Variants in MEAK7 observed in about 807,000 individuals in gnomAD.
The protein encoded by MEAK7 is MTOR associated protein MEAK7, also known as MTOR-associated protein MEAK7.
A neutral mutation model predicts 40.5 loss-of-function variants in MEAK7; 68 were observed. That is an observed-to-expected ratio of 1.68 (90% CI 1.38 to 2.06). The LOEUF (loss-of-function observed/expected upper bound fraction) is 2.06. MEAK7 is among the 30% of genes most tolerant of loss of function. The pLI, the probability that MEAK7 is intolerant of heterozygous loss-of-function variation, is 0.00. For missense variants in MEAK7, 918 were observed against 580.5 expected, an observed-to-expected ratio of 1.58 and a Z score of -5.98; for synonymous variants, 338 against 231.9, an observed-to-expected ratio of 1.46 and a Z score of -4.16.
chr16:84,497,640 G>T (rs1002172389), intron 2 of MEAK7: 1 of 1,396,288 alleles, frequency 7.2e-7, no homozygotes, highest in South Asian at 1.2e-5. Context: ...TCTACTCCAG[G>T]TTCCTTTCTG....
At chr16:84,497,904 T>A (rs747049666) in intron 2 of MEAK7, 30 bp downstream of exon 2, 17 of 1,613,962 alleles carry the variant, frequency 1.1e-5, no homozygotes, top group Non-Finnish European at 1.4e-5. Flanking sequence ...TGCTCCCAAC[T>A]AAACATGAAC....
chr16:84,481,826 T>G (rs1036357967), intron 6 of MEAK7, among the ~76,000 whole-genome samples: 4 of 151,938 alleles, frequency 2.6e-5, no homozygotes, highest in Non-Finnish European at 5.9e-5. Context: ...CCCAGCTACT[T>G]GGGAGGCTGA....
intron 2 of MEAK7, chr16:84,497,447 A>G: frequency 7.8e-7 from 1 of 1,289,476 alleles, no homozygotes; most frequent in Non-Finnish European, 1.0e-6. Flanking sequence ...TGCACCTGAC[A>G]CGTCATGGTT....
rs781120367 is a variant in MEAK7, at chr16:84,486,737, G to A, written c.852C>T (p.Gly284=). ...LHGHSFSQLC[G]HITHRGPCVA... is the part of the protein sequence containing the mutation. The stretch of plus-strand genomic sequence containing the variant: ...CACAGGGTCCCCGGTGAGTGATGTG[G>A]CCACAGAGCTGGGAGAAGCTGTGTC... The change falls in exon 5 of 8, where the codon GGC becomes GGT. Residue 284 remains glycine (G), a synonymous_variant. Transcript: ENST00000343629. 6.2e-7 allele frequency: 1 copy of A among 1,614,016 alleles called. No individual in the cohort carries two copies. Among genetic ancestry groups the A allele is most frequent in the South Asian group, 1.1e-5 (1 of 91,076 alleles).
chr16:84,497,397 T>C, intron 2 of MEAK7: 1 of 1,269,506 alleles, frequency 7.9e-7, no homozygotes, highest in Non-Finnish European at 1.0e-6. Flanking sequence ...TATCATGAAA[T>C]TCCTAGCCAT....
intron 1 of MEAK7, among the ~76,000 whole-genome samples, chr16:84,498,369 G>A (rs1413213721): frequency 6.6e-6 from 1 of 151,976 alleles, no homozygotes; most frequent in African/African-American, 2.4e-5. Context: ...CCTGGGCTCG[G>A]GCAATCCTCC....
At position 84,486,381 on chromosome 16, in the gene MEAK7, A is replaced by G. The variant is rs771124158; in HGVS notation, c.958+250T>C. On this transcript the variant is annotated intron_variant, in intron 5 of 7. Transcript: ENST00000343629. Reference sequence around the variant, plus strand: ...GCTTGACTTCTCCCACGCCCCATAGACCCGGCACCGTGTAATAACTGGGCC... The same window carrying G: ...GCTTGACTTCTCCCACGCCCCATAGGCCCGGCACCGTGTAATAACTGGGCC... 6.6e-6 allele frequency: 8 copies of G among 1,221,224 alleles called. No individual in the cohort carries two copies. In the East Asian group the frequency reaches 2.4e-4, roughly 36 times the overall value. The allele number at this position is 1,221,224 out of a possible 1,614,324, so 75.6% of individuals were successfully genotyped here. A position where few individuals can be genotyped will look rare whatever the true frequency, so the allele number is the denominator to read the frequency against.
rs1009525848 is a variant in MEAK7, at chr16:84,497,604, C to G, written c.153+330G>C. ...TGTTCATCTCAAGTTAGAAATGTCC[C>G]CAAATGTCGTGTGAATCATTCATTA... On this transcript the variant is annotated intron_variant, in intron 2 of 7. Coordinates refer to ENST00000343629, the MANE Select transcript of MEAK7 (RefSeq NM_020947.4). 46 of 1,326,788 alleles carry G rather than the reference C, an allele frequency of 3.5e-5. 1 individual carries two copies. Among genetic ancestry groups the G allele is most frequent in the Non-Finnish European group, 3.9e-5 (40 of 1,014,524 alleles). 82.2% of individuals were successfully genotyped at this position (1,326,788 alleles called of 1,614,324 possible). A position where few individuals can be genotyped will look rare whatever the true frequency, so the allele number is the denominator to read the frequency against.
At chr16:84,480,054 G>A (rs762224924) in intron 7 of MEAK7, 28 bp from the exon 8 acceptor site, 13 of 1,534,054 alleles carry the variant, frequency 8.5e-6, no homozygotes, top group African/African-American at 2.8e-5. Flanking sequence ...GGGTGGGTGT[G>A]TTCCATGATG....
chr16:84,487,131 G>C, intron 4 of MEAK7, 72 bp from the exon 5 acceptor site: 2 of 1,470,676 alleles, frequency 1.4e-6, no homozygotes, highest in Non-Finnish European at 1.8e-6. Context: ...AACCCACACT[G>C]ATCAGTGTGG....
chr16:84,482,960 A>G (rs937442456), intron 5 of MEAK7, among the ~76,000 whole-genome samples: 1 of 152,170 alleles, frequency 6.6e-6, no homozygotes, highest in African/African-American at 2.4e-5. Flanking sequence ...GGGAGCAGAG[A>G]TCAGAACTCT....
intron 3 of MEAK7, among the ~76,000 whole-genome samples, chr16:84,492,013 CAATT>C (rs957649028): frequency 6.6e-6 from 1 of 152,020 alleles, no homozygotes; most frequent in Non-Finnish European, 1.5e-5. Flanking sequence ...ACACTGAAAA[CAATT>C]AAAGCCTCAT....
chr16:84,481,390 G>A (rs532504973), intron 6 of MEAK7, among the ~76,000 whole-genome samples: 8 of 152,320 alleles, frequency 5.3e-5, no homozygotes, highest in East Asian at 3.9e-4. Context: ...ACGCGGAGCC[G>A]CTCTCTCAGG....
chr16:84,487,062 AG>A lies in MEAK7; in HGVS notation c.530-4del. ...GGGCCCCAGAAGTCTCTTGCCATCT[AG>A]GGGAAGGGGATGGTCAGCATTAGTG... is the stretch of plus-strand genomic sequence containing the variant. On this transcript the variant is annotated splice_polypyrimidine_tract_variant and splice_region_variant and intron_variant, in intron 4 of 7. Coordinates refer to ENST00000343629, the MANE Select transcript of MEAK7 (RefSeq NM_020947.4). The A allele has an allele frequency of 6.2e-7, 1 of 1,607,212 alleles. No homozygotes were observed. The highest frequency in any genetic ancestry group is 8.5e-7 in the Non-Finnish European group (1 of 1,176,686).
intron 4 of MEAK7, chr16:84,487,815 G>C (rs1913226955): frequency 6.6e-6 from 1 of 152,242 alleles, no homozygotes; most frequent in African/African-American, 2.4e-5. Context: ...CCTTGCCAAG[G>C]TCTGGACCTC....
intron 5 of MEAK7, among the ~76,000 whole-genome samples, chr16:84,485,636 A>G (rs1204265924): frequency 2.0e-5 from 2 of 98,218 alleles, no homozygotes; most frequent in African/African-American, 2.8e-5. Flanking sequence ...AAAACTATCT[A>G]TCTATCCATC....
chr16:84,495,496 G>C lies in MEAK7; in HGVS notation c.384+187C>G, dbSNP rs1913962702. The C allele has an allele frequency of 8.3e-6, 5 of 604,808 alleles. No individual in the cohort carries two copies. In the Middle Eastern group the frequency reaches 1.3e-3, roughly 161 times the overall value. The allele number at this position is 604,808 out of a possible 1,614,324, so 37.5% of individuals were successfully genotyped here. A position where few individuals can be genotyped will look rare whatever the true frequency, so the allele number is the denominator to read the frequency against. On this transcript the variant is annotated intron_variant, in intron 3 of 7. Coordinates refer to ENST00000343629, the MANE Select transcript of MEAK7 (RefSeq NM_020947.4). ...CCTGAAGCCCTCAAAATCATCTTTGGAGAAAGGCACAGGCCTCTCTCCCAG... is the reference window on the plus strand; with the variant it reads ...CCTGAAGCCCTCAAAATCATCTTTGCAGAAAGGCACAGGCCTCTCTCCCAG...
At chr16:84,500,183 G>A (rs1165850917) in intron 1 of MEAK7, 1 of 152,174 alleles carries the variant, frequency 6.6e-6, no homozygotes, top group Admixed American at 6.5e-5. Flanking sequence ...TTTGTTGTAT[G>A]GATGGACCAC....
intron 3 of MEAK7, among the ~76,000 whole-genome samples, chr16:84,494,318 C>T (rs913583082): frequency 6.6e-6 from 1 of 152,160 alleles, no homozygotes; most frequent in African/African-American, 2.4e-5. Context: ...TTATTGGATT[C>T]TAGCTTTGAC....
Sources: allele counts gnomAD v4.1 joint callset (sites outside exome capture counted in the v4.1 genomes callset), GRCh38; gene constraint gnomAD v4.1.1; transcripts MANE v1.5; gene names NCBI Gene and HGNC (gene_info 2026-07-23, HGNC 2026-07-21).